ZKSCAN5: variants seen among roughly 807,000 people sequenced by gnomAD.
The protein encoded by ZKSCAN5 is zinc finger protein with KRAB and SCAN domains 5.
Under a neutral mutation model 60.0 loss-of-function variants are expected in ZKSCAN5, and 28 were observed. That is an observed-to-expected ratio of 0.47 (90% CI 0.35 to 0.64). The LOEUF is 0.64. Ranked by LOEUF, ZKSCAN5 falls within the 30% of genes least tolerant of loss-of-function variation. The pLI is 0.01. For missense variants in ZKSCAN5, 881 were observed against 1,034.6 expected (o/e 0.85, Z 2.04); for synonymous variants, 361 against 371.2 (o/e 0.97, Z 0.31).
In ZKSCAN5 at chr7:99,526,191, A is replaced by G. The variant is rs368058623; in HGVS notation, c.1151A>G (p.Asn384Ser). 3.7e-6 allele frequency: 6 copies of G among 1,614,052 alleles called. No individual in the cohort carries two copies. The highest frequency in any genetic ancestry group is 4.5e-5 in the East Asian group (2 of 44,892). Residue 384 changes from asparagine (N) to serine (S), a missense_variant, in exon 6 of 7, where the codon AAT (asparagine) becomes AGT (serine). This residue lies in a region of ZKSCAN5 where 490 missense variants were observed against 554.5 expected (regional missense o/e 0.88). Transcript: ENST00000326775. Reference protein sequence around the residue: ...FKCGECGKSYNQRVHLTQHQR... With the variant: ...FKCGECGKSYSQRVHLTQHQR... ...TGCGGAGAATGTGGGAAGAGCTACA[A>G]TCAGCGGGTGCACCTCACCCAGCAC...
chr7:99,510,743 CTATT>C (rs1309663418), intron 2 of ZKSCAN5, among the ~76,000 whole-genome samples: 3 of 151,672 alleles, frequency 2.0e-5, no homozygotes, highest in African/African-American at 7.3e-5. Context: ...TGCGCCTGGC[CTATT>C]TATTTATTTT....
chr7:99,504,935 T>C (rs1172970086), intron 1 of ZKSCAN5: 1 of 152,714 alleles, frequency 6.5e-6, no homozygotes, highest in African/African-American at 2.4e-5. Context: ...AGCCCAACTC[T>C]GGAGGCCCCG....
At position 99,520,271 on chromosome 7, in the gene ZKSCAN5, A is replaced by G. The variant is rs774247335; in HGVS notation, c.739A>G (p.Arg247Gly). 2.5e-6 allele frequency: 4 copies of G among 1,614,114 alleles called. No individual in the cohort carries two copies. The highest frequency in any genetic ancestry group is 3.4e-6 in the Non-Finnish European group (4 of 1,180,024). The change falls in exon 5 of 7, where the codon AGG becomes GGG. Residue 247 changes from arginine (R) to glycine (G), a missense_variant. Physicochemically the swap from Arg to Gly is moderately radical, Grantham distance 125. Coordinates refer to ENST00000326775, the MANE Select transcript of ZKSCAN5 (RefSeq NM_145102.4). ...CCAGAAGTCCCTTTATAGGGATGAC[A>G]GGAAGGAGAACTATGGGAGTATTAC... ...QSQKSLYRDD[R>G]KENYGSITSM...
At chr7:99,524,455 G>A (rs1012359301) in intron 5 of ZKSCAN5, among the ~76,000 whole-genome samples, 4 of 152,054 alleles carry the variant, frequency 2.6e-5, no homozygotes, top group Non-Finnish European at 4.4e-5. Flanking sequence ...CAAGTGAACC[G>A]CCCGCCTTGG....
At chr7:99,523,378 T>C (rs1364558419) in intron 5 of ZKSCAN5, among the ~76,000 whole-genome samples, 1 of 151,768 alleles carries the variant, frequency 6.6e-6, no homozygotes, top group Non-Finnish European at 1.5e-5. Context: ...TCTCAGCACT[T>C]TGGGAGGCCA....
intron 2 of ZKSCAN5, among the ~76,000 whole-genome samples, chr7:99,509,008 A>G (rs1800898511): frequency 6.6e-6 from 1 of 151,314 alleles, no homozygotes; most frequent in Non-Finnish European, 1.5e-5. Flanking sequence ...TATTTTTTTG[A>G]GGTGGAGTCT....
In ZKSCAN5 at chr7:99,506,335, G is replaced by A; in HGVS notation, c.291G>A (p.Gln97=). The A allele has an allele frequency of 6.2e-7, 1 of 1,614,238 alleles. No individual in the cohort carries two copies. The highest frequency in any genetic ancestry group is 1.1e-5 in the South Asian group (1 of 91,084). The change falls in exon 2 of 7, where the codon CAG becomes CAA. Residue 97 remains glutamine, a synonymous_variant. Coordinates refer to ENST00000326775, the MANE Select transcript of ZKSCAN5 (RefSeq NM_145102.4). ...TCCTGGAGCTGCTGGTGCTGGAGCA[G>A]TTCCTGACCATCCTGCCTGAAGAGT... ...EQILELLVLE[Q]FLTILPEEFQ... is the part of the protein sequence containing the mutation.
At position 99,525,657 on chromosome 7, in the gene ZKSCAN5, T is replaced by C. The variant is rs746675727; in HGVS notation, c.773-156T>C. On this transcript the variant is annotated intron_variant, in intron 5 of 6. Coordinates refer to ENST00000326775, the MANE Select transcript of ZKSCAN5 (RefSeq NM_145102.4). ...CCTTCCCTAACCTCCCTCACTTTTC[T>C]GCTTGAATATTTTTCATCCCATCCC... 8.6e-4 allele frequency among the ~76,000 whole-genome samples: 130 copies of C among 151,982 alleles called. 1 individual carries two copies. The highest frequency in any genetic ancestry group is 1.9e-4 in the Non-Finnish European group (13 of 68,020).
chr7:99,522,717 C>A (rs898360554), intron 5 of ZKSCAN5, among the ~76,000 whole-genome samples: 26 of 151,766 alleles, frequency 1.7e-4, no homozygotes, highest in African/African-American at 6.3e-4. Flanking sequence ...AAACTCCTGA[C>A]CTCAGGTGAT....
At chr7:99,523,861 A>G (rs944882889) in intron 5 of ZKSCAN5, among the ~76,000 whole-genome samples, 1 of 152,170 alleles carries the variant, frequency 6.6e-6, no homozygotes, top group African/African-American at 2.4e-5. Flanking sequence ...TTTAGGAATT[A>G]TAACTTCTGA....
chr7:99,515,058 G>A (rs987815816), intron 3 of ZKSCAN5, among the ~76,000 whole-genome samples: 2 of 152,118 alleles, frequency 1.3e-5, no homozygotes, highest in East Asian at 3.9e-4. Context: ...CAGCTTGGGA[G>A]CCAGACTGAG....
rs1308620292 is a variant in ZKSCAN5 at position 99,531,598 on chromosome 7, T to C, written c.1869T>C (p.His623=). The C allele has an allele frequency of 6.2e-7, 1 of 1,614,146 alleles. No homozygotes were observed. The highest frequency in any genetic ancestry group is 1.1e-5 in the South Asian group (1 of 91,076). Residue 623 remains histidine, a synonymous_variant, in exon 7 of 7, where the codon CAT becomes CAC. Coordinates refer to ENST00000326775, the MANE Select transcript of ZKSCAN5 (RefSeq NM_145102.4). ...GAGTGAGGTCCCACCTTGTTCAGCA[T>C]CAGAGCGTGCACAGTGGGGAGAGAC... is the stretch of plus-strand genomic sequence containing the variant. ...AFRVRSHLVQ[H]QSVHSGERPF...
Position 99,533,214 on chromosome 7 carries a change from T to G in ZKSCAN5, c.*965T>G. ...AGAGTGGTGATATACAGAATGAGTT[T>G]CAGTTTGCATTGCAGCTGGGATTGA... On this transcript the variant is annotated 3_prime_UTR_variant, in exon 7 of 7. Coordinates refer to ENST00000326775, the MANE Select transcript of ZKSCAN5 (RefSeq NM_145102.4). 1 of 664,044 alleles carries G rather than the reference T, an allele frequency of 1.5e-6. No individual in the cohort carries two copies. The highest frequency in any genetic ancestry group is 2.8e-6 in the Non-Finnish European group (1 of 360,658). 41.1% of individuals were successfully genotyped at this position (664,044 alleles called of 1,614,324 possible).
Position 99,533,122 on chromosome 7 carries a change from T to G in ZKSCAN5, c.*873T>G. Reference sequence around the variant, plus strand: ...ATAGAAGGAGTTGGACCAAGGCGAATTACGAGTCCTGGTCCCAGCAGTATG... The same window carrying G: ...ATAGAAGGAGTTGGACCAAGGCGAAGTACGAGTCCTGGTCCCAGCAGTATG... On this transcript the variant is annotated 3_prime_UTR_variant, in exon 7 of 7. Transcript: ENST00000326775. 1 of 422,582 alleles carries G rather than the reference T, an allele frequency of 2.4e-6. No homozygotes were observed. Among genetic ancestry groups the G allele is most frequent in the Non-Finnish European group, 4.8e-6 (1 of 206,830 alleles). The allele number at this position is 422,582 out of a possible 1,614,324, so 26.2% of individuals were successfully genotyped here.
chr7:99,522,892 T>A (rs1584192740), intron 5 of ZKSCAN5, among the ~76,000 whole-genome samples: 1 of 149,564 alleles, frequency 6.7e-6, no homozygotes, highest in South Asian at 2.2e-4. Context: ...GGCTGGGCCG[T>A]GGTGTCTCAT....
intron 4 of ZKSCAN5, 87 bp from the exon 5 acceptor site, chr7:99,520,082 G>C: frequency 6.4e-7 from 1 of 1,557,060 alleles, no homozygotes; most frequent in Non-Finnish European, 8.7e-7. Flanking sequence ...TCCTCCCCCT[G>C]TTTCTTTTCT....
intron 3 of ZKSCAN5, among the ~76,000 whole-genome samples, chr7:99,514,456 A>C (rs1382541660): frequency 6.6e-6 from 1 of 152,232 alleles, no homozygotes; most frequent in African/African-American, 2.4e-5. Flanking sequence ...GTGTTCAATG[A>C]AAGCTAAACA....
intron 6 of ZKSCAN5, among the ~76,000 whole-genome samples, chr7:99,529,609 G>A (rs2151117768): frequency 6.6e-6 from 1 of 152,304 alleles, no homozygotes; most frequent in Non-Finnish European, 1.5e-5. Context: ...TCAAATGGCA[G>A]ATCTACTTCT....
intron 2 of ZKSCAN5, among the ~76,000 whole-genome samples, chr7:99,506,984 C>T (rs561209247): frequency 6.6e-6 from 1 of 152,034 alleles, no homozygotes. Context: ...GCGTGAGCCA[C>T]CATGCCCGGC....
Sources: gnomAD v4.1 joint callset for allele counts (sites outside exome capture counted in the v4.1 genomes callset) on GRCh38, gnomAD v4.1.1 for gene constraint, gnomAD v4.1.1 regional missense constraint, MANE v1.5 for transcripts, NCBI Gene and HGNC (gene_info 2026-07-23, HGNC 2026-07-21) for gene names.